The following RSPH4A variants were observed in gnomAD, a reference collection of about 807,000 sequenced individuals.
The protein encoded by RSPH4A is radial spoke head component 4A, also known as radial spoke head protein 4 homolog A.
RSPH4A carries 47 observed loss-of-function variants against 71.0 expected under a neutral mutation model. The observed-to-expected ratio is 0.66, with a 90% CI of 0.52 to 0.84. The LOEUF (loss-of-function observed/expected upper bound fraction) is 0.84. RSPH4A is among the 40% of genes least tolerant of loss of function. RSPH4A has a pLI of 0.00. For missense variants in RSPH4A, 793 were observed against 855.2 expected (o/e 0.93, Z 0.91); for synonymous variants, 282 against 302.3 (o/e 0.93, Z 0.70).
intron 1 of RSPH4A, among the ~76,000 whole-genome samples, chr6:116,621,974 T>C (rs1216235357): frequency 6.6e-6 from 1 of 152,186 alleles, no homozygotes; most frequent in Non-Finnish European, 1.5e-5. Flanking sequence ...AGCAGTTATA[T>C]ATAAAATGTA....
chr6:116,628,016 C>T lies in RSPH4A; in HGVS notation c.1309C>T (p.Pro437Ser). ...ATATGTCTATTTTGTTTGCAATGAA[C>T]CAGGAAGACCATGGGTGAAGTTACC... The part of the protein sequence containing the change: ...NKYVYFVCNE[P>S]GRPWVKLPPV... Residue 437 changes from proline (P) to serine (S), a missense_variant, in exon 3 of 6, where the codon CCA becomes TCA. Transcript: ENST00000229554. 6.2e-7 allele frequency: 1 copy of T among 1,614,108 alleles called. No individual in the cohort carries two copies. The highest frequency in any genetic ancestry group is 8.5e-7 in the Non-Finnish European group (1 of 1,179,994).
rs201238941 is a variant in RSPH4A at position 116,628,348 on chromosome 6, T to G, written c.1641T>G (p.His547Gln). ...LVESLSNWVH[H>Q]VQHILSQGRC... is the part of the protein sequence containing the mutation. ...AATCCCTATCCAATTGGGTTCATCA[T>G]GTACAGCATATTCTCTCTCAGGTAG... Residue 547 changes from histidine to glutamine, a missense_variant, in exon 3 of 6, where the codon CAT becomes CAG. By Grantham distance (24) the His-to-Gln change is conservative. Transcript: ENST00000229554. 1.1e-4 allele frequency: 182 copies of G among 1,612,776 alleles called. No homozygotes were observed. Among genetic ancestry groups the G allele is most frequent in the Non-Finnish European group, 1.5e-4 (180 of 1,179,544 alleles).
chr6:116,629,609 G>A lies in RSPH4A; in HGVS notation c.1705G>A (p.Glu569Lys), dbSNP rs1391501802. The change falls in exon 4 of 6, where the codon GAA (glutamate) becomes AAA (lysine). Residue 569 changes from glutamate to lysine, a missense_variant. Physicochemically the swap from Glu to Lys is moderately conservative, Grantham distance 56 (BLOSUM62 1). Transcript: ENST00000229554. ...CAACTCCATACAAAAAAATGAGGAA[G>A]AAGAAGAGGAAGAAGATGAAGAAAA... Reference protein sequence around the residue: ...WFNSIQKNEEEEEEEDEEKDD... With the variant: ...WFNSIQKNEEKEEEEDEEKDD... The A allele has an allele frequency of 3.1e-6, 5 of 1,612,212 alleles. No individual in the cohort carries two copies. The highest frequency in any genetic ancestry group is 1.3e-5 in the African/African-American group (1 of 74,878).
At chr6:116,625,950 A>G (rs1775686027) in intron 2 of RSPH4A, among the ~76,000 whole-genome samples, 1 of 152,244 alleles carries the variant, frequency 6.6e-6, no homozygotes, top group African/African-American at 2.4e-5. Flanking sequence ...TTAAACAGCC[A>G]CTTATCACTT....
intron 1 of RSPH4A, among the ~76,000 whole-genome samples, chr6:116,619,043 A>T (rs919790310): frequency 2.0e-5 from 3 of 152,206 alleles, no homozygotes; most frequent in African/African-American, 7.2e-5. Context: ...GCATATGAAG[A>T]AGTATTGGGG....
chr6:116,621,680 A>T (rs1775611340), intron 1 of RSPH4A, among the ~76,000 whole-genome samples: 1 of 152,200 alleles, frequency 6.6e-6, no homozygotes, highest in Non-Finnish European at 1.5e-5. Flanking sequence ...TTTTGAGAGA[A>T]ATTATATATA....
chr6:116,632,138 A>T, intron 5 of RSPH4A, 69 bp from the exon 6 acceptor site: 1 of 1,156,330 alleles, frequency 8.6e-7, no homozygotes, highest in Non-Finnish European at 1.3e-6. Flanking sequence ...CTTTAATATT[A>T]CAGAAGGGTC....
rs41290846 is a variant in RSPH4A at position 116,630,419 on chromosome 6, T to C, written c.1799-16T>C. On this transcript the variant is annotated splice_polypyrimidine_tract_variant and intron_variant, in intron 4 of 5. Coordinates refer to ENST00000229554, the MANE Select transcript of RSPH4A (RefSeq NM_001010892.3). The stretch of plus-strand genomic sequence containing the variant: ...TAGTTAGGAATTAAGCTTTTGCATT[T>C]CTCTTTGGGTTCCAGAGATTCAGAA... 45 of 1,367,214 alleles carry C rather than the reference T, an allele frequency of 3.3e-5. No individual in the cohort carries two copies. Among genetic ancestry groups the C allele is most frequent in the Non-Finnish European group, 4.4e-5 (42 of 955,258 alleles). 84.7% of individuals were successfully genotyped at this position (1,367,214 alleles called of 1,614,324 possible).
In RSPH4A at chr6:116,632,408, G is replaced by GGAAGAT. The variant is rs750226664; in HGVS notation, c.2127_2132dup (p.Asp710_Glu711dup). ...TCGCAGCTGAGAATGAAGAATCTGAGGAAGATGAAGATGAGGAAGATGATT... is the reference window on the plus strand; with the variant it reads ...TCGCAGCTGAGAATGAAGAATCTGAGGAAGATGAAGATGAAGATGAGGAAGATGATT... On this transcript the variant is annotated inframe_insertion, in exon 6 of 6. Coordinates refer to ENST00000229554, the MANE Select transcript of RSPH4A (RefSeq NM_001010892.3). The GGAAGAT allele has an allele frequency of 2.5e-6, 4 of 1,613,666 alleles. No homozygotes were observed. In the African/African-American group the frequency reaches 4.0e-5, roughly 16 times the overall value.
intron 3 of RSPH4A, 74 bp from the exon 4 acceptor site, chr6:116,629,493 G>C: frequency 1.4e-6 from 2 of 1,413,464 alleles, no homozygotes; most frequent in Non-Finnish European, 2.0e-6. Flanking sequence ...ACTTCATCCT[G>C]ATCAATTCAA....
In RSPH4A at chr6:116,629,678, T is replaced by C. The variant is rs1163057974; in HGVS notation, c.1774T>C (p.Leu592=). 2 of 1,612,444 alleles carry C rather than the reference T, an allele frequency of 1.2e-6. No individual in the cohort carries two copies. The highest frequency in any genetic ancestry group is 1.1e-5 in the South Asian group (1 of 91,048). ...YIEQEVGLPL[L]TPISEDLEIQ... Reference sequence around the variant, plus strand: ...AGAACAGGAAGTGGGGCTTCCTCTTTTGACACCAATCTCTGAAGATTTAGG... The same window carrying C: ...AGAACAGGAAGTGGGGCTTCCTCTTCTGACACCAATCTCTGAAGATTTAGG... Residue 592 remains leucine, a synonymous_variant, in exon 4 of 6, where the codon TTG becomes CTG. Coordinates refer to ENST00000229554, the MANE Select transcript of RSPH4A (RefSeq NM_001010892.3).
intron 2 of RSPH4A, among the ~76,000 whole-genome samples, chr6:116,624,396 T>C (rs1301601392): frequency 6.6e-6 from 1 of 152,196 alleles, no homozygotes. Context: ...AAGTTCAGAC[T>C]CCAGGGTAAG....
chr6:116,619,490 A>G (rs984743276), intron 1 of RSPH4A, among the ~76,000 whole-genome samples: 3 of 152,204 alleles, frequency 2.0e-5, no homozygotes, highest in African/African-American at 7.2e-5. Flanking sequence ...ACCAATGTAT[A>G]TAAATCATAA....
chr6:116,630,665 GTGTTTTTT>G, intron 5 of RSPH4A, 113 bp downstream of exon 5: 1 of 319,410 alleles, frequency 3.1e-6, no homozygotes, highest in Non-Finnish European at 5.4e-6. Flanking sequence ...TTTTTTTTTC[GTGTTTTTT>G]TTTTTTTTTT....
intron 5 of RSPH4A, among the ~76,000 whole-genome samples, 193 bp from the exon 6 acceptor site, chr6:116,632,014 G>C (rs1434809684): frequency 6.6e-6 from 1 of 151,602 alleles, no homozygotes; most frequent in Non-Finnish European, 1.5e-5. Flanking sequence ...AACCAGCTTA[G>C]GCAGTTTGGA....
intron 5 of RSPH4A, among the ~76,000 whole-genome samples, chr6:116,631,211 G>A (rs1775799490): frequency 6.6e-6 from 1 of 152,162 alleles, no homozygotes; most frequent in Non-Finnish European, 1.5e-5. Context: ...GATTAATGGA[G>A]GTATTTCTAA....
Position 116,616,921 on chromosome 6 carries a change from G to A in RSPH4A, c.298G>A (p.Ala100Thr). 12 of 1,614,164 alleles carry A rather than the reference G, an allele frequency of 7.4e-6. No individual in the cohort carries two copies. Among genetic ancestry groups the A allele is most frequent in the Non-Finnish European group, 1.0e-5 (12 of 1,180,026 alleles). Residue 100 changes from alanine (A) to threonine (T), a missense_variant, in exon 1 of 6, where the codon GCC becomes ACC. Coordinates refer to ENST00000229554, the MANE Select transcript of RSPH4A (RefSeq NM_001010892.3). ...PSSSPSPLAP[A>T]RQDLAAPPQS... Reference sequence around the variant, plus strand: ...TTCCTCTCCTTCTCCCCTGGCTCCGGCCAGACAAGACCTCGCGGCACCACC... The same window carrying A: ...TTCCTCTCCTTCTCCCCTGGCTCCGACCAGACAAGACCTCGCGGCACCACC...
At chr6:116,632,177 T>A (rs1045115690) in intron 5 of RSPH4A, 30 bp from the exon 6 acceptor site, 33 of 1,515,854 alleles carry the variant, frequency 2.2e-5, no homozygotes, top group Non-Finnish European at 3.0e-5. Context: ...TATAATGATC[T>A]TTTTTTCTTC....
chr6:116,627,482 C>T, intron 2 of RSPH4A, 147 bp from the exon 3 acceptor site: 1 of 755,850 alleles, frequency 1.3e-6, no homozygotes. Context: ...AGGCGTGAAC[C>T]ACTGCACCCA....
Sources: allele counts gnomAD v4.1 joint callset (sites outside exome capture counted in the v4.1 genomes callset), GRCh38; gene constraint gnomAD v4.1.1; transcripts MANE v1.5; gene names NCBI Gene and HGNC (gene_info 2026-07-23, HGNC 2026-07-21).